Variants in BCL2L1 observed in about 807,000 individuals in gnomAD.
BCL2L1 encodes BCL2 like 1.
Under a neutral mutation model 18.7 loss-of-function variants are expected in BCL2L1, and 1 was observed. That is an observed-to-expected ratio of 0.05 (90% CI 0.02 to 0.25). BCL2L1 has a LOEUF of 0.25. Among genes scored for constraint, BCL2L1 ranks in the 10% least tolerant of loss-of-function variants. BCL2L1 has a pLI of 1.00. For synonymous variants in BCL2L1, 103 were observed against 122.7 expected (o/e 0.84, Z 1.06); for missense variants, 207 against 304.9 (o/e 0.68, Z 2.39).
chr20:31,691,152 C>CAAAAAAAAAAAAAA (rs539012918), intron 2 of BCL2L1, among the ~76,000 whole-genome samples: 1 of 24,852 alleles, frequency 4.0e-5, no homozygotes, highest in African/African-American at 1.2e-4. Context: ...GACTCTGTCT[C>CAAAAAAAAAAAAAA]AAAAAAAAAA....
rs753220485 is a variant in BCL2L1, at chr20:31,691,223, G to T, written c.565-25137C>A. On this transcript the variant is annotated intron_variant, in intron 2 of 2. Coordinates refer to ENST00000307677, the MANE Select transcript of BCL2L1 (RefSeq NM_138578.3). The stretch of plus-strand genomic sequence containing the variant: ...ATACAGTATATACAATAAGCTCTAG[G>T]TATAACTTAAGTCATAAATAATTCA... 1.2e-4 allele frequency among the ~76,000 whole-genome samples: 16 copies of T among 132,394 alleles called. 1 individual carries two copies. Among genetic ancestry groups the T allele is most frequent in the Admixed American group, 1.6e-4 (2 of 12,332 alleles). 86.9% of individuals were successfully genotyped at this position (132,394 alleles called of 152,430 possible).
chr20:31,682,571 G>C (rs570991072), intron 2 of BCL2L1, among the ~76,000 whole-genome samples: 1 of 151,986 alleles, frequency 6.6e-6, no homozygotes, highest in African/African-American at 2.4e-5. Flanking sequence ...TCAGCCTCCC[G>C]ACTAGGTGGG....
Position 31,680,993 on chromosome 20 carries a change from G to C in BCL2L1, c.565-14907C>G, listed in dbSNP as rs1256338897. Reference sequence around the variant, plus strand: ...ATCTGAGAAAAGGCTGTGGGAACAAGTGCAAAGGCCCAGAGGCAGGAACAC... The same window carrying C: ...ATCTGAGAAAAGGCTGTGGGAACAACTGCAAAGGCCCAGAGGCAGGAACAC... On this transcript the variant is annotated intron_variant, in intron 2 of 2. Coordinates refer to ENST00000307677, the MANE Select transcript of BCL2L1 (RefSeq NM_138578.3). 6.6e-5 allele frequency among the ~76,000 whole-genome samples: 10 copies of C among 152,372 alleles called. No individual in the cohort carries two copies. In the East Asian group the frequency reaches 1.3e-3, roughly 21 times the overall value.
chr20:31,689,364 G>C (rs2061020764), intron 2 of BCL2L1, among the ~76,000 whole-genome samples: 1 of 143,398 alleles, frequency 7.0e-6, no homozygotes, highest in South Asian at 2.3e-4. Context: ...GCTGAGGCGG[G>C]TGGATTGCTT....
At chr20:31,696,139 T>C (rs556803439) in intron 2 of BCL2L1, among the ~76,000 whole-genome samples, 3 of 152,234 alleles carry the variant, frequency 2.0e-5, no homozygotes, top group South Asian at 2.1e-4. Flanking sequence ...TGGGTGAGAA[T>C]AGGGACTTTG....
At chr20:31,678,524 G>A (rs2060800220) in intron 2 of BCL2L1, among the ~76,000 whole-genome samples, 1 of 152,156 alleles carries the variant, frequency 6.6e-6, no homozygotes. Flanking sequence ...TCTCTCAGGG[G>A]TATCCAAAAG....
chr20:31,674,426 A>G (rs181159399), intron 2 of BCL2L1, among the ~76,000 whole-genome samples: 1 of 152,326 alleles, frequency 6.6e-6, no homozygotes, highest in East Asian at 1.9e-4. Flanking sequence ...AATCTGGTTC[A>G]GTGCCTTTAC....
intron 2 of BCL2L1, among the ~76,000 whole-genome samples, chr20:31,677,182 A>AT (rs552709722): frequency 0.36 from 50,107 of 139,552 alleles, 10,617 homozygotes; most frequent in African/African-American, 0.58. Flanking sequence ...TCCTTATTTA[A>AT]TTTTTTTTTT....
At chr20:31,668,395 C>T (rs143967933) in intron 2 of BCL2L1, among the ~76,000 whole-genome samples, 582 of 152,008 alleles carry the variant, frequency 3.8e-3, no homozygotes, top group Middle Eastern at 0.024. Context: ...ACTGGGCTCA[C>T]AGCAACCTTT....
intron 2 of BCL2L1, among the ~76,000 whole-genome samples, chr20:31,717,978 A>G (rs2061563845): frequency 6.6e-6 from 1 of 152,210 alleles, no homozygotes; most frequent in South Asian, 2.1e-4. Flanking sequence ...AAAGTATCAC[A>G]GGGACTTTGT....
Position 31,678,688 on chromosome 20 carries a change from G to A in BCL2L1, c.565-12602C>T, listed in dbSNP as rs1042939113. Reference sequence around the variant, plus strand: ...GGAAGAGAGCAATAGGCACATCTATGACCAGGCAGACTCCTGGGCAAGGCT... The same window carrying A: ...GGAAGAGAGCAATAGGCACATCTATAACCAGGCAGACTCCTGGGCAAGGCT... On this transcript the variant is annotated intron_variant, in intron 2 of 2. Transcript: ENST00000307677. Among the ~76,000 whole-genome samples, 12 of 152,206 alleles carry A rather than the reference G, an allele frequency of 7.9e-5. No individual in the cohort carries two copies. In the South Asian group the frequency reaches 2.5e-3, roughly 32 times the overall value.
upstream of BCL2L1, chr20:31,723,355 G>C (rs1168878508): frequency 1.5e-5 from 15 of 985,390 alleles, no homozygotes; most frequent in Non-Finnish European, 1.8e-5. Flanking sequence ...CCTCAGGTCA[G>C]GAAGAGGGGT....
chr20:31,677,020 TG>T (rs1159365917), intron 2 of BCL2L1, among the ~76,000 whole-genome samples: 1 of 152,170 alleles, frequency 6.6e-6, no homozygotes. Flanking sequence ...ATTTGTGAAA[TG>T]GAAGTGCTAT....
intron 2 of BCL2L1, among the ~76,000 whole-genome samples, chr20:31,671,902 CTA>C (rs974120229): frequency 3.5e-5 from 5 of 143,786 alleles, no homozygotes; most frequent in African/African-American, 1.3e-4. Flanking sequence ...ACTGTATATA[CTA>C]TATATATACT....
chr20:31,708,681 C>G (rs945628539), intron 2 of BCL2L1, among the ~76,000 whole-genome samples: 1 of 152,294 alleles, frequency 6.6e-6, no homozygotes, highest in African/African-American at 2.4e-5. Context: ...AGGCCAGAAC[C>G]ATGGGGGCCT....
chr20:31,720,422 A>T, intron 2 of BCL2L1: 2 of 606,200 alleles, frequency 3.3e-6, no homozygotes, highest in Non-Finnish European at 4.1e-6. Context: ...GCATACTCTG[A>T]GGGGATAGAA....
chr20:31,690,089 T>A (rs566149864), intron 2 of BCL2L1, among the ~76,000 whole-genome samples: 1 of 151,790 alleles, frequency 6.6e-6, no homozygotes, highest in Admixed American at 6.6e-5. Flanking sequence ...TATTTTTAAC[T>A]TTTTTTTTCC....
intron 2 of BCL2L1, chr20:31,713,483 C>A (rs566457348): frequency 2.0e-6 from 2 of 985,292 alleles, no homozygotes; most frequent in South Asian, 9.4e-5. Flanking sequence ...TGGAAGTCAT[C>A]GCAATGGCAT....
At chr20:31,673,513 G>C (rs1271914240) in intron 2 of BCL2L1, among the ~76,000 whole-genome samples, 1 of 151,742 alleles carries the variant, frequency 6.6e-6, no homozygotes. Context: ...AAATTAGCTG[G>C]GTGTGGTGGT....
Sources: gnomAD v4.1 joint callset for allele counts (sites outside exome capture counted in the v4.1 genomes callset) on GRCh38, gnomAD v4.1.1 for gene constraint, MANE v1.5 for transcripts, NCBI Gene and HGNC (gene_info 2026-07-23, HGNC 2026-07-21) for gene names.